Variants in RBFOX3 observed in about 807,000 individuals in gnomAD.
The protein encoded by RBFOX3 is RNA binding protein fox-1 homolog 3.
RBFOX3 carries 17 observed loss-of-function variants against 48.7 expected under a neutral mutation model. That is an observed-to-expected ratio of 0.35 (90% confidence interval 0.24 to 0.52). The LOEUF (loss-of-function observed/expected upper bound fraction) is 0.52. RBFOX3 is among the 20% of genes least tolerant of loss of function. The probability of loss-of-function intolerance (pLI) is 0.94; values close to 1 mark genes in which losing one functional copy is unlikely to be tolerated. For synonymous variants in RBFOX3, 212 were observed against 209.5 expected (o/e 1.01, Z -0.10); for missense variants, 382 against 497.5 (o/e 0.77, Z 2.21).
the RBFOX3 span, among the ~76,000 whole-genome samples, chr17:79,623,158 TG>T: frequency 6.6e-6 from 1 of 152,222 alleles, no homozygotes; most frequent in African/African-American, 2.4e-5. Flanking sequence ...CCTCTGCAGG[TG>T]TGCTCATCCC....
intron 3 of RBFOX3, among the ~76,000 whole-genome samples, chr17:79,258,256 A>T (rs1479537369): frequency 6.6e-6 from 1 of 152,218 alleles, no homozygotes; most frequent in Non-Finnish European, 1.5e-5. Context: ...CACCACACTG[A>T]CAGGCAGTCG....
At chr17:79,575,352 A>G (rs2092823746) in intron 1 of RBFOX3, among the ~76,000 whole-genome samples, 1 of 152,140 alleles carries the variant, frequency 6.6e-6, no homozygotes, top group Non-Finnish European at 1.5e-5. Context: ...CAAAGGGGCC[A>G]CTTTCCAGGG....
rs558823772 is a variant in RBFOX3 at position 79,452,616 on chromosome 17, G to A, written c.-175+29838C>T. 1.8e-3 allele frequency among the ~76,000 whole-genome samples: 281 copies of A among 152,284 alleles called. 1 individual carries two copies. Among genetic ancestry groups the A allele is most frequent in the Non-Finnish European group, 3.0e-3 (207 of 68,020 alleles). ...AAGGGAAGTTAGGGCCATCAGGGGA[G>A]AATGGGGTCACAGAGCGGAGAGGGG... is the stretch of plus-strand genomic sequence containing the variant. On this transcript the variant is annotated intron_variant, in intron 2 of 14. Coordinates refer to ENST00000693108, the MANE Select transcript of RBFOX3 (RefSeq NM_001350451.2).
intron 2 of RBFOX3, among the ~76,000 whole-genome samples, 157 bp from the exon 3 acceptor site, chr17:79,307,981 G>A (rs188518449): frequency 3.9e-5 from 6 of 152,316 alleles, no homozygotes; most frequent in African/African-American, 7.2e-5. Context: ...ACAGGAATGC[G>A]TTAGGCTGGG....
At chr17:79,428,090 G>T (rs1555726517) in intron 2 of RBFOX3, among the ~76,000 whole-genome samples, 1 of 152,234 alleles carries the variant, frequency 6.6e-6, no homozygotes, top group Non-Finnish European at 1.5e-5. Flanking sequence ...GGCCCACAAG[G>T]CAGCCACTGT....
chr17:79,269,346 G>T (rs2067267077), intron 3 of RBFOX3, among the ~76,000 whole-genome samples: 2 of 152,140 alleles, frequency 1.3e-5, no homozygotes, highest in Non-Finnish European at 2.9e-5. Flanking sequence ...GTTGAAGCTG[G>T]GTAGTTTATT....
chr17:79,659,254 G>A, the RBFOX3 span, among the ~76,000 whole-genome samples: 7 of 152,082 alleles, frequency 4.6e-5, no homozygotes, highest in South Asian at 2.1e-4. Context: ...AAATCTTCCC[G>A]GAAAAAGAAA....
chr17:79,435,480 C>G (rs2069235727), intron 2 of RBFOX3, among the ~76,000 whole-genome samples: 2 of 152,242 alleles, frequency 1.3e-5, no homozygotes, highest in Non-Finnish European at 2.9e-5. Context: ...GGTTCCTGAG[C>G]CTACGCTCCA....
intron 3 of RBFOX3, among the ~76,000 whole-genome samples, chr17:79,277,263 TCCAAGGC>T (rs2069078761): frequency 3.0e-5 from 1 of 33,408 alleles, no homozygotes; most frequent in Non-Finnish European, 6.4e-5. Context: ...CTTTCAAAGC[TCCAAGGC>T]CTCCAAGGCC....
rs1323331303 is a variant in RBFOX3, at chr17:79,363,470, C to G, written c.-174-55646G>C. Among the ~76,000 whole-genome samples the G allele has an allele frequency of 6.6e-6, 1 of 152,104 alleles. No individual in the cohort carries two copies. The highest frequency in any genetic ancestry group is 1.9e-4 in the East Asian group (1 of 5,178). On this transcript the variant is annotated intron_variant, in intron 2 of 14. Coordinates refer to ENST00000693108, the MANE Select transcript of RBFOX3 (RefSeq NM_001350451.2). The surrounding 1 kb of genome is among the most constrained non-coding windows in gnomAD (Gnocchi z 4.7). ...CTTCCAAACTCTTCTGTCTGGCTGCCTCCTCGGCTTTTTCAAGAAGCCTCA... is the reference window on the plus strand; with the variant it reads ...CTTCCAAACTCTTCTGTCTGGCTGCGTCCTCGGCTTTTTCAAGAAGCCTCA...
intron 1 of RBFOX3, among the ~76,000 whole-genome samples, chr17:79,491,587 C>T (rs2080666157): frequency 6.6e-6 from 1 of 151,974 alleles, no homozygotes; most frequent in African/African-American, 2.4e-5. Context: ...AAGACGCAAG[C>T]CACCTCCCGG....
At chr17:79,380,949 T>A (rs1568146745) in intron 2 of RBFOX3, among the ~76,000 whole-genome samples, 1 of 152,198 alleles carries the variant, frequency 6.6e-6, no homozygotes. Flanking sequence ...ATTTTATATT[T>A]CCCAGTAGTC....
At chr17:79,263,729 G>A (rs1199619290) in intron 3 of RBFOX3, among the ~76,000 whole-genome samples, 1 of 152,212 alleles carries the variant, frequency 6.6e-6, no homozygotes, top group African/African-American at 2.4e-5. Flanking sequence ...TGACACACAG[G>A]GGGCAGCCAG....
At chr17:79,620,117 GCA>G in the RBFOX3 span, among the ~76,000 whole-genome samples, 1 of 126,018 alleles carries the variant, frequency 7.9e-6, no homozygotes, top group Non-Finnish European at 1.5e-5. Context: ...GCACGCATAT[GCA>G]CACATACACA....
At chr17:79,330,911 C>T (rs538288952) in intron 2 of RBFOX3, among the ~76,000 whole-genome samples, 26 of 152,330 alleles carry the variant, frequency 1.7e-4, no homozygotes, top group South Asian at 8.3e-4. Flanking sequence ...CCGTCGGCCA[C>T]GTCTCGCTGT....
chr17:79,557,559 G>C (rs984997791), intron 1 of RBFOX3, among the ~76,000 whole-genome samples: 8 of 152,330 alleles, frequency 5.3e-5, no homozygotes, highest in African/African-American at 1.7e-4. Context: ...GAGTGGCAAG[G>C]ACCAAGTGAC....
intron 4 of RBFOX3, among the ~76,000 whole-genome samples, chr17:79,227,604 G>A (rs977898736): frequency 3.3e-5 from 5 of 152,240 alleles, no homozygotes; most frequent in African/African-American, 4.8e-5. Flanking sequence ...GGATGGCGGC[G>A]TGGGGAGGCT....
At chr17:79,368,452 C>A (rs1001624415) in intron 2 of RBFOX3, among the ~76,000 whole-genome samples, 1 of 152,240 alleles carries the variant, frequency 6.6e-6, no homozygotes, top group African/African-American at 2.4e-5. Flanking sequence ...AAACCTAGGA[C>A]GCCCGCATTT....
At chr17:79,592,532 G>A (rs1421456411) in intron 1 of RBFOX3, among the ~76,000 whole-genome samples, 2 of 152,062 alleles carry the variant, frequency 1.3e-5, no homozygotes, top group African/African-American at 2.4e-5. Context: ...GGCAACTGGA[G>A]CTGGATCCAT....
Sources: gnomAD v4.1 joint callset for allele counts (sites outside exome capture counted in the v4.1 genomes callset) on GRCh38, gnomAD v4.1.1 for gene constraint, Gnocchi (gnomAD v3.1) non-coding constraint, MANE v1.5 for transcripts, NCBI Gene and HGNC (gene_info 2026-07-23, HGNC 2026-07-21) for gene names.